CCDC117: variants seen among roughly 807,000 people sequenced by gnomAD.
CCDC117 encodes the protein coiled-coil domain containing 117.
A neutral mutation model predicts 23.5 loss-of-function variants in CCDC117; 1 was observed. The ratio of observed to expected loss-of-function variants is 0.04; its 90% CI spans 0.02 to 0.20. CCDC117 has a LOEUF of 0.20. CCDC117 is among the 10% of genes least tolerant of loss of function. CCDC117 has a pLI of 1.00. For synonymous variants in CCDC117, 132 were observed against 124.8 expected (o/e 1.06, Z -0.39); for missense variants, 383 against 348.2 (o/e 1.10, Z -0.80).
Position 28,781,039 on chromosome 22 carries a change from C to T in CCDC117, c.331C>T (p.His111Tyr). The stretch of plus-strand genomic sequence containing the variant: ...TTGTGCACATCAGGATGTAGAGGGG[C>T]ATGGAGTAAATCCCAGTGTTAGTGG... ...ILCAHQDVEG[H>Y]GVNPSVSGLS... Residue 111 changes from histidine (H) to tyrosine (Y), a missense_variant, in exon 3 of 5, where the codon CAT becomes TAT. Physicochemically the swap from His to Tyr is moderately conservative, Grantham distance 83. Transcript: ENST00000249064. 18 of 1,613,776 alleles carry T rather than the reference C, an allele frequency of 1.1e-5. No individual in the cohort carries two copies. Among genetic ancestry groups the T allele is most frequent in the Non-Finnish European group, 1.5e-5 (18 of 1,179,814 alleles).
intron 3 of CCDC117, among the ~76,000 whole-genome samples, chr22:28,782,903 T>A (rs562720051): frequency 1.6e-4 from 25 of 152,198 alleles, no homozygotes; most frequent in Non-Finnish European, 2.6e-4. Flanking sequence ...TGAATTCTTC[T>A]CATAGAACTA....
Position 28,772,711 on chromosome 22 carries a change from A to G in CCDC117, c.-139A>G. 1 of 600,342 alleles carries G rather than the reference A, an allele frequency of 1.7e-6. No individual in the cohort carries two copies. The allele number at this position is 600,342 out of a possible 1,614,324, so 37.2% of individuals were successfully genotyped here. A position where few individuals can be genotyped will look rare whatever the true frequency, so the allele number is the denominator to read the frequency against. Reference sequence around the variant, plus strand: ...CATGCCCCCGAGCGGCCTGAGGTGGAGGGTTCTAGAAGGCGTGACGTGGGG... The same window carrying G: ...CATGCCCCCGAGCGGCCTGAGGTGGGGGGTTCTAGAAGGCGTGACGTGGGG... On this transcript the variant is annotated 5_prime_UTR_variant, in exon 1 of 5. Transcript: ENST00000249064.
Position 28,786,260 on chromosome 22 carries a change from A to G in CCDC117, c.774A>G (p.Pro258=). 1 of 1,614,172 alleles carries G rather than the reference A, an allele frequency of 6.2e-7. No homozygotes were observed. The highest frequency in any genetic ancestry group is 8.5e-7 in the Non-Finnish European group (1 of 1,180,026). ...CTGAACTGTTTTCGGAACCTCGGCC[A>G]ACAGGGATGTCTCTTTATAATAGTT... ...QRTELFSEPR[P]TGMSLYNSLE... The change falls in exon 5 of 5, where the codon CCA becomes CCG. Residue 258 remains proline (P), a synonymous_variant. Coordinates refer to ENST00000249064, the MANE Select transcript of CCDC117 (RefSeq NM_173510.4).
rs1303765283 is a variant in CCDC117 at position 28,785,193 on chromosome 22, TTGTTTTG to T, written c.603-888_603-882del. Among the ~76,000 whole-genome samples, 10 of 152,054 alleles carry T rather than the reference TTGTTTTG, an allele frequency of 6.6e-5. No individual in the cohort carries two copies. In the East Asian group the frequency reaches 1.5e-3, roughly 24 times the overall value. ...ACCATGAAGCTTGTTTTGTTTTGTT[TTGTTTTG>T]TGTTTTGAGACAGGGTCTCACTCTG... On this transcript the variant is annotated intron_variant, in intron 4 of 4. Coordinates refer to ENST00000249064, the MANE Select transcript of CCDC117 (RefSeq NM_173510.4).
At chr22:28,781,634 A>C (rs1424133987) in intron 3 of CCDC117, among the ~76,000 whole-genome samples, 2 of 53,128 alleles carry the variant, frequency 3.8e-5, no homozygotes, top group African/African-American at 4.0e-4. Flanking sequence ...TACAGGCGTG[A>C]GCCACCGCAC....
In CCDC117 at chr22:28,773,735, C is replaced by T. The variant is rs769527536; in HGVS notation, c.196C>T (p.His66Tyr). 5 of 1,613,334 alleles carry T rather than the reference C, an allele frequency of 3.1e-6. No individual in the cohort carries two copies. Among genetic ancestry groups the T allele is most frequent in the South Asian group, 1.1e-5 (1 of 91,070 alleles). Residue 66 changes from histidine (H) to tyrosine (Y), a missense_variant, in exon 2 of 5, where the codon CAC (histidine) becomes TAC (tyrosine). By Grantham distance (83) the His-to-Tyr change is moderately conservative (BLOSUM62 2). Coordinates refer to ENST00000249064, the MANE Select transcript of CCDC117 (RefSeq NM_173510.4). ...GSAARGRVSV[H>Y]CKKKHKREEE... ...TGTTTGTTTCAACAGTGTTTCTGTT[C>T]ACTGTAAAAAGAAACACAAGCGAGA...
chr22:28,775,734 TAA>T (rs754460887), intron 2 of CCDC117, among the ~76,000 whole-genome samples: 1 of 151,816 alleles, frequency 6.6e-6, no homozygotes, highest in Non-Finnish European at 1.5e-5. Context: ...CCGTCTCTGC[TAA>T]AAATACAAAA....
rs1010031235 is a variant in CCDC117, at chr22:28,773,647, T to C, written c.186-78T>C. On this transcript the variant is annotated intron_variant, in intron 1 of 4. Coordinates refer to ENST00000249064, the MANE Select transcript of CCDC117 (RefSeq NM_173510.4). ...TGGTATGTGGGGATGAGCAAGATTATTGGAGCAAGAAAGAGGATACTGAAA... is the reference window on the plus strand; with the variant it reads ...TGGTATGTGGGGATGAGCAAGATTACTGGAGCAAGAAAGAGGATACTGAAA... The C allele has an allele frequency of 5.0e-6, 6 of 1,194,798 alleles. No individual in the cohort carries two copies. In the African/African-American group the frequency reaches 6.0e-5, roughly 12 times the overall value. 74.0% of individuals were successfully genotyped at this position (1,194,798 alleles called of 1,614,324 possible).
At position 28,772,763 on chromosome 22, in the gene CCDC117, G is replaced by A; in HGVS notation, c.-87G>A. 9.2e-7 allele frequency: 1 copy of A among 1,089,746 alleles called. No individual in the cohort carries two copies. The highest frequency in any genetic ancestry group is 1.2e-6 in the Non-Finnish European group (1 of 865,474). 67.5% of individuals were successfully genotyped at this position (1,089,746 alleles called of 1,614,324 possible). A position where few individuals can be genotyped will look rare whatever the true frequency, so the allele number is the denominator to read the frequency against. ...CGAGAGCGGGATCCGAGGCTGGCGG[G>A]TTTTGGCAGTAGCTGTGGCTGCGGC... is the stretch of plus-strand genomic sequence containing the variant. On this transcript the variant is annotated 5_prime_UTR_variant, in exon 1 of 5. Coordinates refer to ENST00000249064, the MANE Select transcript of CCDC117 (RefSeq NM_173510.4).
chr22:28,778,593 T>C (rs1175672055), intron 2 of CCDC117, among the ~76,000 whole-genome samples: 1 of 152,158 alleles, frequency 6.6e-6, no homozygotes, highest in South Asian at 2.1e-4. Flanking sequence ...TTTATTGCCT[T>C]AGGATTACTG....
chr22:28,779,322 C>T (rs2031257072), intron 2 of CCDC117, among the ~76,000 whole-genome samples: 1 of 151,996 alleles, frequency 6.6e-6, no homozygotes, highest in South Asian at 2.1e-4. Context: ...CCTGCCTTGG[C>T]CTTCCTAGTA....
intron 2 of CCDC117, among the ~76,000 whole-genome samples, chr22:28,777,661 C>T (rs958059133): frequency 2.0e-5 from 3 of 151,766 alleles, no homozygotes; most frequent in African/African-American, 7.3e-5. Context: ...AGGCTTGCAC[C>T]TCCAGGCCCA....
chr22:28,783,409 T>G, intron 3 of CCDC117, 99 bp from the exon 4 acceptor site: 1 of 1,197,056 alleles, frequency 8.4e-7, no homozygotes, highest in Non-Finnish European at 1.2e-6. Flanking sequence ...TACTTACTGC[T>G]TTTATCCTTT....
At chr22:28,773,182 C>G in intron 1 of CCDC117, 148 bp downstream of exon 1, 1 of 207,578 alleles carries the variant, frequency 4.8e-6, no homozygotes, top group Non-Finnish European at 8.6e-6. Flanking sequence ...GCTTCGCAGC[C>G]CAGTTTACAG....
rs2031591650 is a variant in CCDC117, at chr22:28,788,889, T to A, written c.*2563T>A. On this transcript the variant is annotated 3_prime_UTR_variant, in exon 5 of 5. Transcript: ENST00000249064. ...TGTGCTAATGTGTGAAGAGAAAAAA[T>A]TCTCTAAAGCAGGTGAGCTTTAATG... 6.6e-6 allele frequency: 1 copy of A among 152,564 alleles called. No homozygotes were observed. Among genetic ancestry groups the A allele is most frequent in the African/African-American group, 2.4e-5 (1 of 41,416 alleles). 9.5% of individuals were successfully genotyped at this position (152,564 alleles called of 1,614,324 possible).
chr22:28,772,780 G>C lies in CCDC117; in HGVS notation c.-70G>C, dbSNP rs994257552. On this transcript the variant is annotated 5_prime_UTR_variant, in exon 1 of 5. Coordinates refer to ENST00000249064, the MANE Select transcript of CCDC117 (RefSeq NM_173510.4). The stretch of plus-strand genomic sequence containing the variant: ...GCTGGCGGGTTTTGGCAGTAGCTGT[G>C]GCTGCGGCTGCCGGGCCTGGGGACG... 1 of 1,179,856 alleles carries C rather than the reference G, an allele frequency of 8.5e-7. No homozygotes were observed. Among genetic ancestry groups the C allele is most frequent in the Non-Finnish European group, 1.1e-6 (1 of 945,958 alleles). The allele number at this position is 1,179,856 out of a possible 1,614,324, so 73.1% of individuals were successfully genotyped here. A position where few individuals can be genotyped will look rare whatever the true frequency, so the allele number is the denominator to read the frequency against.
chr22:28,784,808 T>C (rs2031460300), intron 4 of CCDC117, among the ~76,000 whole-genome samples: 1 of 152,200 alleles, frequency 6.6e-6, no homozygotes, highest in Admixed American at 6.5e-5. Context: ...TCTCGCTCTG[T>C]TGCCCAGGCT....
intron 3 of CCDC117, among the ~76,000 whole-genome samples, chr22:28,782,771 G>C (rs1175693779): frequency 2.0e-5 from 3 of 151,890 alleles, no homozygotes; most frequent in Admixed American, 1.3e-4. Flanking sequence ...AGGGTTTTGT[G>C]ATGTTGGCCA....
chr22:28,774,109 C>T (rs1403734898), intron 2 of CCDC117, among the ~76,000 whole-genome samples: 2 of 150,874 alleles, frequency 1.3e-5, no homozygotes, highest in Non-Finnish European at 1.5e-5. Context: ...CCTCTGTCGC[C>T]CAGGCTGGAG....
Sources: gnomAD v4.1 joint callset for allele counts (sites outside exome capture counted in the v4.1 genomes callset) on GRCh38, gnomAD v4.1.1 for gene constraint, MANE v1.5 for transcripts, NCBI Gene and HGNC (gene_info 2026-07-23, HGNC 2026-07-21) for gene names.